XKR9: variants seen among roughly 807,000 people sequenced by gnomAD.
XKR9 encodes the protein XK-related protein 9.
XKR9 carries 32 observed loss-of-function variants against 32.0 expected under a neutral mutation model. That is an observed-to-expected ratio of 1.00 (90% CI 0.76 to 1.34). The LOEUF (loss-of-function observed/expected upper bound fraction) is 1.34. Ranked by LOEUF, XKR9 falls within the 40% of genes most tolerant of loss-of-function variation. XKR9 has a pLI of 0.00. For missense variants in XKR9, 546 were observed against 429.7 expected, an observed-to-expected ratio of 1.27 and a Z score of -2.39; for synonymous variants, 168 against 143.4, an observed-to-expected ratio of 1.17 and a Z score of -1.22.
chr8:71,029,161 T>C, the XKR9 span, among the ~76,000 whole-genome samples: 2 of 152,056 alleles, frequency 1.3e-5, no homozygotes, highest in Admixed American at 6.6e-5. Context: ...GTTCCAAGAG[T>C]TGGGAGTTAC....
At chr8:70,995,474 C>T in the XKR9 span, among the ~76,000 whole-genome samples, 2 of 152,144 alleles carry the variant, frequency 1.3e-5, no homozygotes, top group East Asian at 3.9e-4. Flanking sequence ...CTAAATATAA[C>T]ACTCTCATTC....
At chr8:71,055,364 A>G in the XKR9 span, among the ~76,000 whole-genome samples, 1 of 152,212 alleles carries the variant, frequency 6.6e-6, no homozygotes, top group African/African-American at 2.4e-5. Flanking sequence ...GGAATACATA[A>G]ACACTGAGCA....
intron 2 of XKR9, among the ~76,000 whole-genome samples, chr8:70,755,499 G>A (rs1211370352): frequency 6.6e-6 from 1 of 151,982 alleles, no homozygotes; most frequent in East Asian, 1.9e-4. Context: ...GCAAAGACTT[G>A]GAACCAACCC....
chr8:70,909,915 G>T, the XKR9 span, among the ~76,000 whole-genome samples: 2 of 151,704 alleles, frequency 1.3e-5, no homozygotes, highest in East Asian at 2.0e-4. Context: ...TATCATGTTG[G>T]CCAGGCTGTC....
intron 3 of XKR9, among the ~76,000 whole-genome samples, chr8:70,687,330 C>CTTTCTTTCTTTA (rs1819323767): frequency 6.8e-6 from 1 of 148,070 alleles, no homozygotes; most frequent in African/African-American, 2.5e-5. Flanking sequence ...TTCTTTCTTT[C>CTTTCTTTCTTTA]TTTCTTTCTT....
intron 2 of XKR9, among the ~76,000 whole-genome samples, chr8:70,755,418 C>G (rs1163606230): frequency 2.6e-5 from 4 of 152,048 alleles, no homozygotes; most frequent in African/African-American, 7.2e-5. Flanking sequence ...GGTATATACC[C>G]AAAGGACTAT....
chr8:70,793,527 G>T (rs1272243487), downstream of XKR9, among the ~76,000 whole-genome samples: 1 of 151,940 alleles, frequency 6.6e-6, no homozygotes, highest in Non-Finnish European at 1.5e-5. Flanking sequence ...CAGCAGATGT[G>T]GTCCCTTGAC....
the XKR9 span, among the ~76,000 whole-genome samples, chr8:70,989,865 A>G: frequency 6.6e-6 from 1 of 152,086 alleles, no homozygotes; most frequent in Non-Finnish European, 1.5e-5. Context: ...TCCCCTAATA[A>G]CCTCTGATGT....
the XKR9 span, among the ~76,000 whole-genome samples, chr8:70,998,001 T>G: frequency 6.6e-6 from 1 of 152,122 alleles, no homozygotes; most frequent in Admixed American, 6.6e-5. Flanking sequence ...ACCCAACCAT[T>G]AAATCCCTGT....
At chr8:70,880,853 G>T in the XKR9 span, among the ~76,000 whole-genome samples, 1 of 152,080 alleles carries the variant, frequency 6.6e-6, no homozygotes, top group Non-Finnish European at 1.5e-5. Flanking sequence ...GAGGCATCAC[G>T]CTACCTGACT....
chr8:70,803,836 A>G, the XKR9 span, among the ~76,000 whole-genome samples: 3 of 152,204 alleles, frequency 2.0e-5, no homozygotes, highest in Admixed American at 6.5e-5. Context: ...TAATCTGGTG[A>G]CCAAGTGCTT....
chr8:70,875,393 T>C, the XKR9 span, among the ~76,000 whole-genome samples: 3 of 152,252 alleles, frequency 2.0e-5, no homozygotes, highest in South Asian at 6.2e-4. Flanking sequence ...CTGATATTGA[T>C]ATAAAATCAA....
the XKR9 span, among the ~76,000 whole-genome samples, chr8:71,052,453 C>G: frequency 1.3e-5 from 2 of 152,172 alleles, no homozygotes; most frequent in African/African-American, 4.8e-5. Flanking sequence ...TATCTCATTA[C>G]TCTTCACAGC....
At chr8:70,944,279 T>TA in the XKR9 span, among the ~76,000 whole-genome samples, 1 of 152,188 alleles carries the variant, frequency 6.6e-6, no homozygotes, top group East Asian at 1.9e-4. Flanking sequence ...GTTCACAGTG[T>TA]AAAATATAAG....
chr8:70,689,506 T>C (rs1360596574), intron 3 of XKR9, among the ~76,000 whole-genome samples: 1 of 148,794 alleles, frequency 6.7e-6, no homozygotes, highest in Non-Finnish European at 1.5e-5. Flanking sequence ...GTATTATATA[T>C]ATATGTATAT....
the XKR9 span, among the ~76,000 whole-genome samples, chr8:71,018,751 G>A: frequency 6.6e-6 from 1 of 152,094 alleles, no homozygotes; most frequent in Non-Finnish European, 1.5e-5. Context: ...GGTAAGAATA[G>A]GGAAAAAGAT....
intron 2 of XKR9, among the ~76,000 whole-genome samples, chr8:70,780,112 CT>C (rs1428227388): frequency 6.6e-6 from 1 of 151,738 alleles, no homozygotes; most frequent in East Asian, 1.9e-4. Context: ...GATATTTCTT[CT>C]TTTAATCTCA....
chr8:70,769,786 A>G (rs1228247590), intron 2 of XKR9, among the ~76,000 whole-genome samples: 1 of 151,932 alleles, frequency 6.6e-6, no homozygotes, highest in Non-Finnish European at 1.5e-5. Context: ...TTTCAGCTTC[A>G]TCAGGTCATT....
chr8:70,993,610 CTT>C, the XKR9 span, among the ~76,000 whole-genome samples: 10 of 35,794 alleles, frequency 2.8e-4, no homozygotes, highest in African/African-American at 9.4e-4. Context: ...ATCTTCCTTC[CTT>C]CCTTCCTTCC....
Sources: allele counts gnomAD v4.1 joint callset (sites outside exome capture counted in the v4.1 genomes callset), GRCh38; gene constraint gnomAD v4.1.1; transcripts MANE v1.5; gene names NCBI Gene and HGNC (gene_info 2026-07-23, HGNC 2026-07-21).